CHODL: variants seen among roughly 807,000 people sequenced by gnomAD.
The protein encoded by CHODL is chondrolectin.
A neutral mutation model predicts 34.5 loss-of-function variants in CHODL; 29 were observed. The ratio of observed to expected loss-of-function variants is 0.84; its 90% CI spans 0.63 to 1.15. The LOEUF (loss-of-function observed/expected upper bound fraction) is 1.15, where lower values mean the gene tolerates loss of function less well. Among genes scored for constraint, CHODL ranks in the 50% most tolerant of loss-of-function variants. CHODL has a pLI of 0.00. For missense variants in CHODL, 332 were observed against 332.5 expected (o/e 1.00, Z 0.01); for synonymous variants, 125 against 116.1 (o/e 1.08, Z -0.49).
chr21:18,012,517 G>A (rs1301760787), intron 1 of CHODL, among the ~76,000 whole-genome samples: 1 of 152,110 alleles, frequency 6.6e-6, no homozygotes, highest in African/African-American at 2.4e-5. Flanking sequence ...TAAAATAACT[G>A]GAATCTTCCA....
intron 2 of CHODL, among the ~76,000 whole-genome samples, chr21:18,193,165 A>G (rs1000084213): frequency 1.3e-5 from 2 of 152,210 alleles, no homozygotes; most frequent in African/African-American, 2.4e-5. Context: ...AGGGATAACC[A>G]CAGAAAAACA....
chr21:18,186,371 G>C (rs1334633023), intron 2 of CHODL, among the ~76,000 whole-genome samples: 1 of 150,842 alleles, frequency 6.6e-6, no homozygotes, highest in Non-Finnish European at 1.5e-5. Flanking sequence ...AATAAGGAAA[G>C]AAGTTGCTCC....
chr21:18,154,064 A>T (rs745980525), intron 2 of CHODL, among the ~76,000 whole-genome samples: 3 of 152,186 alleles, frequency 2.0e-5, no homozygotes, highest in Non-Finnish European at 4.4e-5. Context: ...GATAGTGAAT[A>T]TAATTTCCCT....
chr21:18,264,418 A>T (rs932448682), intron 5 of CHODL, among the ~76,000 whole-genome samples: 1 of 151,970 alleles, frequency 6.6e-6, no homozygotes, highest in African/African-American at 2.4e-5. Flanking sequence ...CCTGACTAAC[A>T]TGGCAAAACC....
intron 1 of CHODL, among the ~76,000 whole-genome samples, chr21:17,991,275 G>T (rs1326157247): frequency 6.6e-6 from 1 of 151,972 alleles, no homozygotes; most frequent in African/African-American, 2.4e-5. Context: ...CTGGGGTGCA[G>T]GTATATCTTT....
At chr21:18,231,251 C>G (rs2073975850) in intron 2 of CHODL, among the ~76,000 whole-genome samples, 1 of 152,132 alleles carries the variant, frequency 6.6e-6, no homozygotes, top group Non-Finnish European at 1.5e-5. Flanking sequence ...CCTGCCAGCC[C>G]ACTAAAATGC....
chr21:18,032,115 G>A (rs1340587255), intron 2 of CHODL, among the ~76,000 whole-genome samples: 4 of 152,054 alleles, frequency 2.6e-5, no homozygotes, highest in Admixed American at 2.0e-4. Context: ...CATTTAGTTA[G>A]AGAGGAGAAA....
chr21:18,220,995 T>C (rs1437407854), intron 2 of CHODL, among the ~76,000 whole-genome samples: 1 of 152,166 alleles, frequency 6.6e-6, no homozygotes, highest in Non-Finnish European at 1.5e-5. Context: ...TTTGCTTTTT[T>C]CCATCATTTC....
chr21:17,957,027 C>T, intron 1 of CHODL, among the ~76,000 whole-genome samples: 1 of 152,116 alleles, frequency 6.6e-6, no homozygotes, highest in Non-Finnish European at 1.5e-5. Context: ...GATGGCCTAA[C>T]TAGATGAGGC....
chr21:17,994,233 G>C (rs1253243610), intron 1 of CHODL, among the ~76,000 whole-genome samples: 2 of 152,138 alleles, frequency 1.3e-5, no homozygotes, highest in African/African-American at 4.8e-5. Context: ...GGCAGTGTTA[G>C]TTCTGTGTGA....
intron 2 of CHODL, among the ~76,000 whole-genome samples, chr21:18,029,660 G>A (rs1339066364): frequency 6.6e-6 from 1 of 151,978 alleles, no homozygotes; most frequent in Admixed American, 6.6e-5. Flanking sequence ...GTTTTGGGGG[G>A]AATCTCAGGG....
intron 1 of CHODL, among the ~76,000 whole-genome samples, chr21:17,947,056 A>G (rs1157547423): frequency 1.3e-5 from 2 of 152,152 alleles, no homozygotes; most frequent in African/African-American, 4.8e-5. Context: ...CAGATAAATT[A>G]TTAATACTAG....
chr21:18,203,502 T>C (rs1401136526), intron 2 of CHODL, among the ~76,000 whole-genome samples: 1 of 152,164 alleles, frequency 6.6e-6, no homozygotes. Flanking sequence ...TGTTTCTAGC[T>C]ACACATTCCA....
intron 2 of CHODL, among the ~76,000 whole-genome samples, chr21:18,066,550 G>C (rs2064734264): frequency 6.6e-6 from 1 of 152,116 alleles, no homozygotes; most frequent in African/African-American, 2.4e-5. Context: ...ATCATGTAGG[G>C]AGAAAAGGAA....
intron 2 of CHODL, among the ~76,000 whole-genome samples, chr21:18,186,283 C>G (rs2073440313): frequency 6.6e-6 from 1 of 151,904 alleles, no homozygotes; most frequent in Admixed American, 6.6e-5. Flanking sequence ...GAAGTGACCG[C>G]TGAGACCAGG....
chr21:18,105,716 G>A (rs966932912), intron 2 of CHODL, among the ~76,000 whole-genome samples: 12 of 152,178 alleles, frequency 7.9e-5, no homozygotes, highest in African/African-American at 2.9e-4. Context: ...TGATTCTAAT[G>A]TGAGAATTAA....
At chr21:18,053,627 G>A (rs1344317036) in intron 2 of CHODL, among the ~76,000 whole-genome samples, 1 of 151,754 alleles carries the variant, frequency 6.6e-6, no homozygotes, top group Non-Finnish European at 1.5e-5. Context: ...GGAGAAAAAC[G>A]GAAAATCTAG....
chr21:18,011,420 G>C (rs2064019032), intron 1 of CHODL, among the ~76,000 whole-genome samples: 1 of 152,058 alleles, frequency 6.6e-6, no homozygotes, highest in Admixed American at 6.6e-5. Flanking sequence ...CTGAAGCTTG[G>C]GTTTTGAAGA....
intron 1 of CHODL, among the ~76,000 whole-genome samples, chr21:18,014,066 T>C (rs2064047796): frequency 6.6e-6 from 1 of 152,122 alleles, no homozygotes; most frequent in Non-Finnish European, 1.5e-5. Context: ...CACAAGCTGA[T>C]AGGTTACTAC....
Sources: allele counts gnomAD v4.1 joint callset (sites outside exome capture counted in the v4.1 genomes callset), GRCh38; gene constraint gnomAD v4.1.1; transcripts MANE v1.5; gene names NCBI Gene and HGNC (gene_info 2026-07-23, HGNC 2026-07-21).